VDAC1: variants seen among roughly 807,000 people sequenced by gnomAD.
VDAC1 encodes voltage dependent anion channel 1.
VDAC1 carries 10 observed loss-of-function variants against 34.7 expected under a neutral mutation model. That is an observed-to-expected ratio of 0.29 (90% CI 0.18 to 0.49). The LOEUF (loss-of-function observed/expected upper bound fraction) is 0.49, where lower values mean the gene tolerates loss of function less well. VDAC1 is among the 20% of genes least tolerant of loss of function. The pLI is 0.99. For missense variants in VDAC1, 230 were observed against 347.9 expected (o/e 0.66, Z 2.69); for synonymous variants, 130 against 136.0 (o/e 0.96, Z 0.30).
chr5:134,018,201 G>A, the VDAC1 span, among the ~76,000 whole-genome samples: 1 of 152,210 alleles, frequency 6.6e-6, no homozygotes, highest in African/African-American at 2.4e-5. Flanking sequence ...TTCCAATCAT[G>A]GCAGAAGGCC....
At chr5:134,055,603 T>TGTTTTTG in the VDAC1 span, among the ~76,000 whole-genome samples, 2 of 140,474 alleles carry the variant, frequency 1.4e-5, no homozygotes, top group African/African-American at 5.3e-5. Flanking sequence ...TTTTTTTTTT[T>TGTTTTTG]TTTTTTTTTT....
rs1013948867 is a variant in VDAC1 at position 133,981,082 on chromosome 5, T to C, written c.324-126A>G. Reference sequence around the variant, plus strand: ...GGTGGGGGTGAAGTCAGGGCTCCAGTTCTCCCTTAAGCCACTGCTGTACCA... The same window carrying C: ...GGTGGGGGTGAAGTCAGGGCTCCAGCTCTCCCTTAAGCCACTGCTGTACCA... On this transcript the variant is annotated intron_variant, in intron 5 of 8. Coordinates refer to ENST00000265333, the MANE Select transcript of VDAC1 (RefSeq NM_003374.3). 9.5e-5 allele frequency: 72 copies of C among 758,444 alleles called. 1 individual carries two copies. The South Asian group carries it at 1.3e-3, about 14-fold the overall frequency. The allele number at this position is 758,444 out of a possible 1,614,324, so 47.0% of individuals were successfully genotyped here.
rs1383489885 is a variant in VDAC1, at chr5:134,004,874, G to C, written c.-7+21C>G. The C allele has an allele frequency of 2.0e-5, 3 of 151,696 alleles. No individual in the cohort carries two copies. The East Asian group carries it at 5.8e-4, about 29-fold the overall frequency. The allele number at this position is 151,696 out of a possible 1,614,324, so 9.4% of individuals were successfully genotyped here. On this transcript the variant is annotated intron_variant, in intron 1 of 8. Transcript: ENST00000265333. The stretch of plus-strand genomic sequence containing the variant: ...CAGGCCGGGCCAGGGTCCCCATCCC[G>C]CTAGCGAGCCGCGTTCTTACCCTTC...
At chr5:134,073,506 A>G in the VDAC1 span, among the ~76,000 whole-genome samples, 1 of 152,166 alleles carries the variant, frequency 6.6e-6, no homozygotes, top group Non-Finnish European at 1.5e-5. Flanking sequence ...TTTACCCTTT[A>G]CTTGAATACC....
upstream of VDAC1, among the ~76,000 whole-genome samples, chr5:134,009,607 T>C (rs1009799766): frequency 1.3e-5 from 2 of 152,106 alleles, no homozygotes; most frequent in Non-Finnish European, 1.5e-5. Context: ...GTTGTGTTTC[T>C]ATTTATGAGA....
chr5:134,048,000 C>T, the VDAC1 span, among the ~76,000 whole-genome samples: 1 of 150,528 alleles, frequency 6.6e-6, no homozygotes, highest in East Asian at 1.9e-4. Flanking sequence ...GCCTGGGCAA[C>T]AGAGTGAACC....
chr5:134,068,655 G>A, the VDAC1 span, among the ~76,000 whole-genome samples: 2 of 152,020 alleles, frequency 1.3e-5, no homozygotes, highest in Admixed American at 1.3e-4. Flanking sequence ...TCACTACAAC[G>A]TGGCTAGGTA....
At chr5:134,056,098 G>A in the VDAC1 span, among the ~76,000 whole-genome samples, 1 of 151,922 alleles carries the variant, frequency 6.6e-6, no homozygotes, top group Non-Finnish European at 1.5e-5. Flanking sequence ...AAAAGTAGCT[G>A]GACGTGGTGG....
chr5:134,002,881 G>A (rs1753612848), intron 1 of VDAC1, among the ~76,000 whole-genome samples: 1 of 151,754 alleles, frequency 6.6e-6, no homozygotes, highest in Non-Finnish European at 1.5e-5. Context: ...TGGGAGGATT[G>A]CCTGAACCCA....
upstream of VDAC1, among the ~76,000 whole-genome samples, chr5:134,006,283 G>A (rs1464547009): frequency 6.6e-6 from 1 of 152,208 alleles, no homozygotes. Context: ...ACTGAGACTG[G>A]TGGGCAGGGG....
At chr5:134,003,879 G>A (rs1205183451) in intron 1 of VDAC1, among the ~76,000 whole-genome samples, 1 of 152,244 alleles carries the variant, frequency 6.6e-6, no homozygotes, top group East Asian at 1.9e-4. Context: ...CTAATCCAAA[G>A]TCAGGCTCCG....
the VDAC1 span, among the ~76,000 whole-genome samples, chr5:134,041,760 C>T: frequency 6.6e-6 from 1 of 152,124 alleles, no homozygotes; most frequent in African/African-American, 2.4e-5. Flanking sequence ...ATGAGGAGCC[C>T]CCAGCTCCAG....
At chr5:134,087,724 C>T in the VDAC1 span, among the ~76,000 whole-genome samples, 1 of 151,122 alleles carries the variant, frequency 6.6e-6, no homozygotes, top group Non-Finnish European at 1.5e-5. Flanking sequence ...GGTGTGGTGG[C>T]ACGTGCCTGT....
At chr5:134,074,784 T>G in the VDAC1 span, among the ~76,000 whole-genome samples, 3 of 152,158 alleles carry the variant, frequency 2.0e-5, no homozygotes, top group East Asian at 3.9e-4. Flanking sequence ...TATGGGATCA[T>G]GTACTGATGC....
At chr5:134,094,514 G>A in the VDAC1 span, among the ~76,000 whole-genome samples, 4 of 152,056 alleles carry the variant, frequency 2.6e-5, no homozygotes, top group Admixed American at 2.6e-4. Flanking sequence ...TGGCTAACAC[G>A]ATAAAACCCT....
chr5:134,055,029 T>C, the VDAC1 span, among the ~76,000 whole-genome samples: 1 of 152,126 alleles, frequency 6.6e-6, no homozygotes, highest in Non-Finnish European at 1.5e-5. Context: ...ATTGATTGAG[T>C]CCCCTCTCTG....
At chr5:134,006,616 G>A (rs778851283), upstream of VDAC1, among the ~76,000 whole-genome samples, 1 of 151,746 alleles carries the variant, frequency 6.6e-6, no homozygotes, top group Non-Finnish European at 1.5e-5. Flanking sequence ...GGTGGCGCGC[G>A]CCTGTAGTCC....
intron 2 of VDAC1, among the ~76,000 whole-genome samples, chr5:133,992,592 T>A (rs577043539): frequency 6.6e-6 from 1 of 152,352 alleles, no homozygotes; most frequent in East Asian, 1.9e-4. Flanking sequence ...CAGGGTCTGA[T>A]AAGAAGACAC....
chr5:134,070,939 A>G, the VDAC1 span, among the ~76,000 whole-genome samples: 5 of 152,150 alleles, frequency 3.3e-5, no homozygotes, highest in Non-Finnish European at 4.4e-5. Context: ...TTATTGCCAA[A>G]ATGGCTCGTA....
Sources: allele counts gnomAD v4.1 joint callset (sites outside exome capture counted in the v4.1 genomes callset), GRCh38; gene constraint gnomAD v4.1.1; transcripts MANE v1.5; gene names NCBI Gene and HGNC (gene_info 2026-07-23, HGNC 2026-07-21).